Variants in PRKD1 observed in about 807,000 individuals in gnomAD.
PRKD1 encodes the protein serine/threonine-protein kinase D1.
In PRKD1, 63 loss-of-function variants were observed where a neutral mutation model predicts 95.9. That is an observed-to-expected ratio of 0.66 (90% CI 0.54 to 0.81). The LOEUF is 0.81. PRKD1 is among the 30% of genes least tolerant of loss of function. PRKD1 has a pLI of 0.00. For missense variants in PRKD1, 1,048 were observed against 1,165.3 expected (o/e 0.90, Z 1.47); for synonymous variants, 425 against 423.1 (o/e 1.00, Z -0.05).
chr14:29,736,368 A>G (rs977814218), intron 1 of PRKD1, among the ~76,000 whole-genome samples: 9 of 152,230 alleles, frequency 5.9e-5, no homozygotes, highest in African/African-American at 2.2e-4. Context: ...CTGGAAGGCG[A>G]AAAGTGTACT....
intron 1 of PRKD1, among the ~76,000 whole-genome samples, chr14:29,753,984 T>G (rs1887590613): frequency 1.3e-5 from 2 of 152,226 alleles, no homozygotes; most frequent in African/African-American, 4.8e-5. Flanking sequence ...TTCATTTATC[T>G]TAATTAAATA....
At chr14:29,674,383 C>T (rs1883036228) in intron 2 of PRKD1, among the ~76,000 whole-genome samples, 1 of 152,062 alleles carries the variant, frequency 6.6e-6, no homozygotes, top group Admixed American at 6.5e-5. Flanking sequence ...TAGTTCCTTC[C>T]CTAAAATGAA....
At chr14:29,624,041 G>A in intron 13 of PRKD1, 111 bp downstream of exon 13, 1 of 689,006 alleles carries the variant, frequency 1.5e-6, no homozygotes. Flanking sequence ...TTATTTTAAA[G>A]TGTTCCAAAA....
intron 13 of PRKD1, among the ~76,000 whole-genome samples, chr14:29,614,230 T>C (rs1360850173): frequency 6.6e-6 from 1 of 152,218 alleles, no homozygotes; most frequent in Non-Finnish European, 1.5e-5. Context: ...TGGTATAAAG[T>C]GAATGACCCC....
intron 10 of PRKD1, among the ~76,000 whole-genome samples, chr14:29,629,817 C>G (rs1879864448): frequency 6.6e-6 from 1 of 152,124 alleles, no homozygotes; most frequent in Non-Finnish European, 1.5e-5. Context: ...ACCATGTACT[C>G]TGCACGTCAA....
At chr14:29,690,785 T>C (rs188422988) in intron 2 of PRKD1, among the ~76,000 whole-genome samples, 256 of 152,336 alleles carry the variant, frequency 1.7e-3, no homozygotes, top group Admixed American at 4.2e-3. Flanking sequence ...ATGTGCACTC[T>C]CTTGGTTCTG....
At chr14:29,672,346 A>AAAAATAAAAT (rs540578140) in intron 2 of PRKD1, among the ~76,000 whole-genome samples, 6 of 151,606 alleles carry the variant, frequency 4.0e-5, no homozygotes, top group African/African-American at 1.5e-4. Flanking sequence ...GTCTCAAAAA[A>AAAAATAAAAT]AAAATAAAAT....
At chr14:29,762,657 C>T (rs1888050120) in intron 1 of PRKD1, among the ~76,000 whole-genome samples, 1 of 152,140 alleles carries the variant, frequency 6.6e-6, no homozygotes, top group Non-Finnish European at 1.5e-5. Flanking sequence ...TCTTAGTGAC[C>T]ACTTCTAGAT....
Position 29,856,118 on chromosome 14 carries a change from G to A in PRKD1, c.264+71131C>T, listed in dbSNP as rs142484001. 9.9e-4 allele frequency among the ~76,000 whole-genome samples: 150 copies of A among 152,156 alleles called. 3 individuals are homozygous for A. The highest frequency in any genetic ancestry group is 3.4e-3 in the African/African-American group (143 of 41,518). On this transcript the variant is annotated intron_variant, in intron 1 of 17. Transcript: ENST00000331968. ...GCACCATACAAAGAATATTGCATCC[G>A]ATACCTCACATCACAAAGGGTATAA...
At chr14:29,735,226 G>A (rs142235976) in intron 1 of PRKD1, among the ~76,000 whole-genome samples, 2 of 152,152 alleles carry the variant, frequency 1.3e-5, no homozygotes, top group East Asian at 3.9e-4. Context: ...TCCATAACTG[G>A]TAAGAGTGCA....
rs184163254 is a variant in PRKD1 at position 29,867,297 on chromosome 14, T to C, written c.264+59952A>G. On this transcript the variant is annotated intron_variant, in intron 1 of 17. Transcript: ENST00000331968. Reference sequence around the variant, plus strand: ...TTGCAGGGAAGGCCCATTTACATAGTGGTTGGGGAAAGAATCTTCAAGGAG... The same window carrying C: ...TTGCAGGGAAGGCCCATTTACATAGCGGTTGGGGAAAGAATCTTCAAGGAG... Among the ~76,000 whole-genome samples the C allele has an allele frequency of 1.0e-3, 155 of 152,116 alleles. 1 individual carries two copies. Among genetic ancestry groups the C allele is most frequent in the African/African-American group, 3.5e-3 (147 of 41,494 alleles).
intron 1 of PRKD1, among the ~76,000 whole-genome samples, chr14:29,747,529 CAAAAGGTAGAA>C (rs950000024): frequency 4.0e-5 from 6 of 151,868 alleles, no homozygotes; most frequent in Non-Finnish European, 8.8e-5. Flanking sequence ...TCACAATAGG[CAAAAGGTAGAA>C]ATAGCCCAAA....
At chr14:29,822,397 T>C (rs1890949328) in intron 1 of PRKD1, among the ~76,000 whole-genome samples, 1 of 152,240 alleles carries the variant, frequency 6.6e-6, no homozygotes, top group Admixed American at 6.5e-5. Flanking sequence ...CTTGGGTCAA[T>C]ATTCACTTTA....
chr14:29,630,205 T>C (rs891560413), intron 10 of PRKD1, among the ~76,000 whole-genome samples: 3 of 152,120 alleles, frequency 2.0e-5, no homozygotes, highest in Non-Finnish European at 4.4e-5. Flanking sequence ...AGTGGCTTGA[T>C]CTTGGCTCAC....
At chr14:29,752,319 G>C (rs2139463101) in intron 1 of PRKD1, among the ~76,000 whole-genome samples, 1 of 152,208 alleles carries the variant, frequency 6.6e-6, no homozygotes, top group East Asian at 1.9e-4. Flanking sequence ...TGCTGAGCTA[G>C]AGAAGTGATT....
chr14:29,887,957 A>G (rs1318849455), intron 1 of PRKD1, among the ~76,000 whole-genome samples: 2 of 152,220 alleles, frequency 1.3e-5, no homozygotes, highest in Non-Finnish European at 2.9e-5. Context: ...GCAAAGGAAT[A>G]TGTCATAATA....
Position 29,676,192 on chromosome 14 carries a change from T to TTG in PRKD1, c.404-9985_404-9984insCA, listed in dbSNP as rs61509628. On this transcript the variant is annotated intron_variant, in intron 2 of 17. Transcript: ENST00000331968. ...AGTTCATTACGTTTTTGTTTTTTTT[T>TTG]TTTTTTTTTTTGCTGAGTTGTATTT... Among the ~76,000 whole-genome samples, 138 of 128,550 alleles carry TTG rather than the reference T, an allele frequency of 1.1e-3. 4 individuals are homozygous for TTG. The highest frequency in any genetic ancestry group is 4.2e-3 in the Middle Eastern group (1 of 238). The allele number at this position is 128,550 out of a possible 152,430, so 84.3% of individuals were successfully genotyped here. A position where few individuals can be genotyped will look rare whatever the true frequency, so the allele number is the denominator to read the frequency against.
At chr14:29,584,024 A>G (rs1317967284) in intron 16 of PRKD1, among the ~76,000 whole-genome samples, 1 of 152,184 alleles carries the variant, frequency 6.6e-6, no homozygotes, top group African/African-American at 2.4e-5. Flanking sequence ...TTCAGCAGCT[A>G]TTAGGATAGC....
intron 1 of PRKD1, among the ~76,000 whole-genome samples, chr14:29,837,014 A>C (rs1252375771): frequency 1.3e-5 from 2 of 152,214 alleles, no homozygotes; most frequent in African/African-American, 4.8e-5. Flanking sequence ...TGATGAGTAT[A>C]GTTAAAATAA....
Sources: gnomAD v4.1 joint callset for allele counts (sites outside exome capture counted in the v4.1 genomes callset) on GRCh38, gnomAD v4.1.1 for gene constraint, MANE v1.5 for transcripts, NCBI Gene and HGNC (gene_info 2026-07-23, HGNC 2026-07-21) for gene names.